SASH1: variants seen among roughly 807,000 people sequenced by gnomAD.
SASH1 encodes SAM and SH3 domain-containing protein 1.
In SASH1, 44 loss-of-function variants were observed where a neutral mutation model predicts 125.2. That is an observed-to-expected ratio of 0.35 (90% CI 0.28 to 0.45). The LOEUF is 0.45. Ranked by LOEUF, SASH1 falls within the 20% of genes least tolerant of loss-of-function variation. The pLI is 1.00. For missense variants in SASH1, 1,426 were observed against 1,614.5 expected (o/e 0.88, Z 2.00); for synonymous variants, 639 against 649.1 (o/e 0.98, Z 0.24).
the SASH1 span, among the ~76,000 whole-genome samples, chr6:148,225,320 G>T: frequency 6.6e-6 from 1 of 152,106 alleles, no homozygotes; most frequent in Admixed American, 6.6e-5. Context: ...TTTATCATCT[G>T]TACTTTACAA....
chr6:148,537,629 T>G (rs1284313746), intron 16 of SASH1, among the ~76,000 whole-genome samples: 7 of 152,282 alleles, frequency 4.6e-5, no homozygotes, highest in Admixed American at 6.5e-5. Context: ...TTAAGAAATA[T>G]GGTGTAAGCC....
At chr6:148,437,855 C>A (rs867610712) in intron 2 of SASH1, among the ~76,000 whole-genome samples, 1 of 152,204 alleles carries the variant, frequency 6.6e-6, no homozygotes. Flanking sequence ...TAATAAGCAA[C>A]TACTTTGTAT....
intron 1 of SASH1, among the ~76,000 whole-genome samples, chr6:148,330,783 G>A (rs571546921): frequency 9.2e-4 from 140 of 152,070 alleles, no homozygotes; most frequent in African/African-American, 3.2e-3. Flanking sequence ...ATGGGGTTTC[G>A]CCATGTTGGC....
At chr6:148,211,907 T>G in the SASH1 span, among the ~76,000 whole-genome samples, 1 of 152,076 alleles carries the variant, frequency 6.6e-6, no homozygotes, top group Non-Finnish European at 1.5e-5. Flanking sequence ...CACTCTAGAA[T>G]AGGGAAGAGA....
the SASH1 span, among the ~76,000 whole-genome samples, chr6:148,217,846 T>TAAA: frequency 5.7e-5 from 7 of 123,354 alleles, no homozygotes; most frequent in African/African-American, 1.5e-4. Context: ...ATCCCATCTC[T>TAAA]AAAAAAAAAA....
At chr6:148,248,131 C>T in the SASH1 span, among the ~76,000 whole-genome samples, 3 of 152,192 alleles carry the variant, frequency 2.0e-5, no homozygotes, top group Admixed American at 2.0e-4. Context: ...ATTTCTTTTA[C>T]AATCCTCCAA....
rs1416824675 is a variant in SASH1, at chr6:148,550,860, A to G, written c.*2302A>G. The G allele has an allele frequency of 1.3e-5, 2 of 152,266 alleles. No homozygotes were observed. Among genetic ancestry groups the G allele is most frequent in the Admixed American group, 6.5e-5 (1 of 15,286 alleles). 9.4% of individuals were successfully genotyped at this position (152,266 alleles called of 1,614,324 possible). A position where few individuals can be genotyped will look rare whatever the true frequency, so the allele number is the denominator to read the frequency against. On this transcript the variant is annotated 3_prime_UTR_variant, in exon 20 of 20. Transcript: ENST00000367467. Reference sequence around the variant, plus strand: ...ACACAAAAGTTGTGTAAGAGATGAGATAACAAAGGAGCGAGAGAAATCTCA... The same window carrying G: ...ACACAAAAGTTGTGTAAGAGATGAGGTAACAAAGGAGCGAGAGAAATCTCA...
intron 1 of SASH1, among the ~76,000 whole-genome samples, chr6:148,276,055 T>C (rs1243943907): frequency 6.6e-6 from 1 of 152,116 alleles, no homozygotes; most frequent in Admixed American, 6.5e-5. Context: ...GAATTATGAG[T>C]AGTGGGAAGA....
At position 148,466,047 on chromosome 6, in the gene SASH1, G is replaced by A. The variant is rs986682020; in HGVS notation, c.387-2498G>A. On this transcript the variant is annotated intron_variant, in intron 4 of 19. Transcript: ENST00000367467. The stretch of plus-strand genomic sequence containing the variant: ...GCTGAAAGATTTAAATTTTGAAATG[G>A]CTACCTCCTAAAAGCCTTGCAGGTA... Among the ~76,000 whole-genome samples, 131 of 152,084 alleles carry A rather than the reference G, an allele frequency of 8.6e-4. 1 individual carries two copies. The highest frequency in any genetic ancestry group is 3.4e-4 in the Non-Finnish European group (23 of 68,028).
At chr6:148,211,748 C>T in the SASH1 span, among the ~76,000 whole-genome samples, 2 of 152,260 alleles carry the variant, frequency 1.3e-5, no homozygotes, top group Non-Finnish European at 2.9e-5. Flanking sequence ...ATGCTCTTTC[C>T]ACTACACCAG....
At chr6:148,445,035 T>A (rs750683095) in intron 4 of SASH1, among the ~76,000 whole-genome samples, 1 of 152,182 alleles carries the variant, frequency 6.6e-6, no homozygotes, top group Non-Finnish European at 1.5e-5. Context: ...TAAACTGTCA[T>A]GGTGCTGCTA....
intron 2 of SASH1, among the ~76,000 whole-genome samples, chr6:148,408,483 G>T (rs961151502): frequency 6.6e-6 from 1 of 152,104 alleles, no homozygotes; most frequent in East Asian, 1.9e-4. Flanking sequence ...CCATTTATGA[G>T]TTGGATTGTT....
the SASH1 span, among the ~76,000 whole-genome samples, chr6:148,238,961 A>AG: frequency 6.6e-6 from 1 of 152,124 alleles, no homozygotes; most frequent in African/African-American, 2.4e-5. Context: ...AGCTGGGCAG[A>AG]GGTATGGTCG....
At chr6:148,454,110 G>A (rs1043914362) in intron 4 of SASH1, among the ~76,000 whole-genome samples, 5 of 152,122 alleles carry the variant, frequency 3.3e-5, no homozygotes, top group South Asian at 2.1e-4. Context: ...ATCAGTCACC[G>A]TCTCCAAGCG....
chr6:148,435,407 A>G (rs912409545), intron 2 of SASH1, among the ~76,000 whole-genome samples: 15 of 150,922 alleles, frequency 9.9e-5, no homozygotes, highest in African/African-American at 3.4e-4. Context: ...AGGATAGTAT[A>G]TTTACACTTA....
intron 8 of SASH1, among the ~76,000 whole-genome samples, chr6:148,501,652 G>T (rs994832303): frequency 3.3e-5 from 5 of 152,272 alleles, no homozygotes; most frequent in Middle Eastern, 3.4e-3. Context: ...TATGGTCAGG[G>T]TGACAAAGCC....
chr6:148,509,064 C>A (rs1779968906), intron 8 of SASH1, among the ~76,000 whole-genome samples: 2 of 152,050 alleles, frequency 1.3e-5, no homozygotes, highest in Admixed American at 6.5e-5. Flanking sequence ...GGCATTTTCA[C>A]CAGTGAAAAT....
At position 148,438,062 on chromosome 6, in the gene SASH1, G is replaced by A. The variant is rs192899310; in HGVS notation, c.286-2122G>A. ...TGAAGAAAAGGTAAAAATGGAGGAG[G>A]GGAGGTGAATTGAACCAGTCACTTT... is the stretch of plus-strand genomic sequence containing the variant. On this transcript the variant is annotated intron_variant, in intron 2 of 19. Coordinates refer to ENST00000367467, the MANE Select transcript of SASH1 (RefSeq NM_015278.5). Among the ~76,000 whole-genome samples, 23 of 152,268 alleles carry A rather than the reference G, an allele frequency of 1.5e-4. No homozygotes were observed. The East Asian group carries it at 4.4e-3, about 29-fold the overall frequency.
chr6:148,343,101 G>C lies in SASH1; in HGVS notation c.34G>C (p.Glu12Gln). 1 of 1,566,330 alleles carries C rather than the reference G, an allele frequency of 6.4e-7. No homozygotes were observed. ...CGCGGGAGCAGCTGGCCCGGGGCCG[G>C]AGCCTGAGCCCGAGCCCGAGCCGGA... ...EDAGAAGPGP[E>Q]PEPEPEPEPE... The change falls in exon 1 of 20, where the codon GAG becomes CAG. Residue 12 changes from glutamate to glutamine, a missense_variant. Glu to Gln is a conservative substitution (Grantham distance 29). Transcript: ENST00000367467.
Sources: gnomAD v4.1 joint callset for allele counts (sites outside exome capture counted in the v4.1 genomes callset) on GRCh38, gnomAD v4.1.1 for gene constraint, MANE v1.5 for transcripts, NCBI Gene and HGNC (gene_info 2026-07-23, HGNC 2026-07-21) for gene names.